Variants in KAZN observed in about 807,000 individuals in gnomAD.
KAZN encodes kazrin.
Under a neutral mutation model 87.4 loss-of-function variants are expected in KAZN, and 40 were observed. That is an observed-to-expected ratio of 0.46 (90% CI 0.36 to 0.60). The LOEUF is 0.60. Ranked by LOEUF, KAZN falls within the 20% of genes least tolerant of loss-of-function variation. The pLI is 0.00. For synonymous variants in KAZN, 466 were observed against 458.3 expected (o/e 1.02, Z -0.22); for missense variants, 898 against 1,073.9 (o/e 0.84, Z 2.29).
chr1:14,473,945 G>A (rs1322382711), intron 2 of KAZN, among the ~76,000 whole-genome samples: 2 of 152,162 alleles, frequency 1.3e-5, no homozygotes, highest in Admixed American at 1.3e-4. Flanking sequence ...ATCTGAAGTT[G>A]CACCCTCTTG....
At chr1:14,831,080 G>A (rs1281858600) in intron 1 of KAZN, among the ~76,000 whole-genome samples, 2 of 152,190 alleles carry the variant, frequency 1.3e-5, no homozygotes, top group African/African-American at 4.8e-5. Flanking sequence ...GGCTGGTCTC[G>A]AACTCCTGAC....
intron 1 of KAZN, among the ~76,000 whole-genome samples, chr1:14,151,961 T>G (rs910404253): frequency 3.5e-4 from 53 of 152,350 alleles, no homozygotes; most frequent in Admixed American, 7.2e-4. Context: ...TTTAATTCAT[T>G]TATTTCCTGT....
chr1:14,107,470 C>T (rs570511734), intron 1 of KAZN, among the ~76,000 whole-genome samples: 5 of 152,034 alleles, frequency 3.3e-5, no homozygotes, highest in Non-Finnish European at 7.4e-5. Context: ...TCTCCCTGTC[C>T]TTTGCAACTC....
At chr1:14,215,313 C>T (rs574502011) in intron 2 of KAZN, among the ~76,000 whole-genome samples, 1 of 152,226 alleles carries the variant, frequency 6.6e-6, no homozygotes, top group South Asian at 2.1e-4. Flanking sequence ...TCAGGAGAGT[C>T]CCCAGAGTGT....
chr1:14,929,817 G>C (rs1298674927), intron 1 of KAZN: 1 of 985,356 alleles, frequency 1.0e-6, no homozygotes, highest in Non-Finnish European at 1.2e-6. Context: ...GGAAGGTCAG[G>C]CTTGCCTCCT....
At chr1:14,125,168 C>A (rs1290604280) in intron 1 of KAZN, among the ~76,000 whole-genome samples, 1 of 152,144 alleles carries the variant, frequency 6.6e-6, no homozygotes, top group Non-Finnish European at 1.5e-5. Flanking sequence ...AGAAGGGCAT[C>A]CTGTGCTCTG....
intron 2 of KAZN, among the ~76,000 whole-genome samples, chr1:14,998,707 C>A (rs1668153442): frequency 6.6e-6 from 1 of 152,154 alleles, no homozygotes; most frequent in African/African-American, 2.4e-5. Flanking sequence ...CACCACCACA[C>A]CAGGCTAATT....
chr1:14,956,711 A>G (rs1014108291), intron 1 of KAZN, among the ~76,000 whole-genome samples: 6 of 152,138 alleles, frequency 3.9e-5, no homozygotes, highest in African/African-American at 1.2e-4. Flanking sequence ...ATAGACTCTT[A>G]GTGACAGCCA....
intron 2 of KAZN, among the ~76,000 whole-genome samples, chr1:14,459,270 T>C (rs988483670): frequency 6.6e-6 from 1 of 152,076 alleles, no homozygotes; most frequent in Non-Finnish European, 1.5e-5. Flanking sequence ...CGTGTGTGTG[T>C]GTGTGTGTGT....
chr1:15,108,384 C>T (rs1049362796), intron 13 of KAZN, among the ~76,000 whole-genome samples: 1 of 152,288 alleles, frequency 6.6e-6, no homozygotes, highest in African/African-American at 2.4e-5. Flanking sequence ...CCCAGCGGGG[C>T]CTTTGAGGCC....
At chr1:14,985,861 G>A (rs1417736700) in intron 2 of KAZN, among the ~76,000 whole-genome samples, 1 of 151,958 alleles carries the variant, frequency 6.6e-6, no homozygotes. Context: ...AAATTAGCTG[G>A]GCGTGGTGGC....
chr1:14,567,959 CAA>C, intron 2 of KAZN, among the ~76,000 whole-genome samples: 1 of 152,310 alleles, frequency 6.6e-6, no homozygotes, highest in South Asian at 2.1e-4. Flanking sequence ...TTCAGTATGA[CAA>C]AGACTTATGA....
intron 1 of KAZN, among the ~76,000 whole-genome samples, chr1:14,711,857 G>A (rs924477213): frequency 1.3e-5 from 2 of 152,194 alleles, no homozygotes; most frequent in African/African-American, 4.8e-5. Flanking sequence ...AAAAGTCTGC[G>A]ACCAGATCCT....
Position 15,049,268 on chromosome 1 carries a change from G to T in KAZN, c.726+5109G>T, listed in dbSNP as rs148395251. 2.6e-3 allele frequency among the ~76,000 whole-genome samples: 400 copies of T among 152,338 alleles called. 1 individual carries two copies. Among genetic ancestry groups the T allele is most frequent in the African/African-American group, 8.6e-3 (359 of 41,590 alleles). On this transcript the variant is annotated intron_variant, in intron 4 of 14. Transcript: ENST00000376030. ...TGGGCATCCCCCACACACTGGTCCTGTCCCTGGGAGCCCGGCTCACACGGA... is the reference window on the plus strand; with the variant it reads ...TGGGCATCCCCCACACACTGGTCCTTTCCCTGGGAGCCCGGCTCACACGGA...
chr1:14,420,631 G>C (rs1239800688), intron 2 of KAZN, among the ~76,000 whole-genome samples: 2 of 152,220 alleles, frequency 1.3e-5, no homozygotes, highest in Non-Finnish European at 2.9e-5. Flanking sequence ...CCCGCTGCAG[G>C]TCTGGAGCCC....
At chr1:14,022,424 C>G (rs894084926) in intron 1 of KAZN, among the ~76,000 whole-genome samples, 5 of 133,004 alleles carry the variant, frequency 3.8e-5, no homozygotes, top group African/African-American at 1.4e-4. Context: ...AAGGCTTTGA[C>G]CTATACTGAG....
chr1:14,153,471 C>A (rs1324502386), intron 1 of KAZN, among the ~76,000 whole-genome samples: 1 of 152,102 alleles, frequency 6.6e-6, no homozygotes, highest in African/African-American at 2.4e-5. Flanking sequence ...GTTATTGGCA[C>A]CTTTGTCAAA....
chr1:14,173,663 G>A (rs777995223), intron 1 of KAZN, among the ~76,000 whole-genome samples: 4 of 82,644 alleles, frequency 4.8e-5, no homozygotes, highest in Non-Finnish European at 1.0e-4. Flanking sequence ...TCCCCTCCCC[G>A]CCCCGCCCCG....
intron 1 of KAZN, among the ~76,000 whole-genome samples, chr1:14,163,062 C>T (rs1168451323): frequency 2.0e-5 from 3 of 151,904 alleles, no homozygotes; most frequent in Non-Finnish European, 4.4e-5. Flanking sequence ...GTATCTTCAA[C>T]ATTCTGGCTG....
Sources: gnomAD v4.1 joint callset for allele counts (sites outside exome capture counted in the v4.1 genomes callset) on GRCh38, gnomAD v4.1.1 for gene constraint, MANE v1.5 for transcripts, NCBI Gene and HGNC (gene_info 2026-07-23, HGNC 2026-07-21) for gene names.